The following GPATCH8 variants were observed in gnomAD, a reference collection of about 807,000 sequenced individuals.
The protein encoded by GPATCH8 is G patch domain-containing protein 8.
GPATCH8 carries 18 observed loss-of-function variants against 118.3 expected under a neutral mutation model. The observed-to-expected ratio is 0.15, with a 90% confidence interval of 0.11 to 0.23. The LOEUF is 0.23. Ranked by LOEUF, GPATCH8 falls within the 10% of genes least tolerant of loss-of-function variation. The probability of loss-of-function intolerance (pLI) is 1.00; values close to 1 mark genes in which losing one functional copy is unlikely to be tolerated. For synonymous variants in GPATCH8, 659 were observed against 684.7 expected (o/e 0.96, Z 0.59); for missense variants, 1,631 against 1,873.8 (o/e 0.87, Z 2.39).
At chr17:44,456,695 C>T (rs545819750) in intron 3 of GPATCH8, among the ~76,000 whole-genome samples, 2 of 152,192 alleles carry the variant, frequency 1.3e-5, no homozygotes, top group Non-Finnish European at 2.9e-5. Context: ...GTAATGCAGG[C>T]CTTACCCTAC....
intron 1 of GPATCH8, among the ~76,000 whole-genome samples, chr17:44,502,958 G>A (rs889004988): frequency 2.0e-5 from 3 of 152,204 alleles, no homozygotes; most frequent in African/African-American, 7.2e-5. Context: ...TCTCCCCCAA[G>A]CCCTCTCAGC....
chr17:44,487,776 T>G (rs983615843), intron 1 of GPATCH8, among the ~76,000 whole-genome samples: 17 of 152,354 alleles, frequency 1.1e-4, no homozygotes, highest in African/African-American at 4.1e-4. Flanking sequence ...GTGATGAGAC[T>G]ACATTTATGT....
chr17:44,399,450 G>A lies in GPATCH8; in HGVS notation c.2627C>T (p.Ala876Val). ...ACTATAGCAGCTCTGGTCTGAAGAGGCATCTGAGCTACTTGAGTAAGAACG... is the reference window on the plus strand; with the variant it reads ...ACTATAGCAGCTCTGGTCTGAAGAGACATCTGAGCTACTTGAGTAAGAACG... ...SRRSYSSSSDASSDQSCYSRQ... is the reference protein window; with the variant it reads ...SRRSYSSSSDVSSDQSCYSRQ... Residue 876 changes from alanine (A) to valine (V), a missense_variant, in exon 8 of 8, where the codon GCC becomes GTC. Physicochemically the swap from Ala to Val is moderately conservative, Grantham distance 64. This residue lies in a region of GPATCH8 where 922 missense variants were observed against 879.7 expected (regional missense o/e 1.05). Coordinates refer to ENST00000591680, the MANE Select transcript of GPATCH8 (RefSeq NM_001002909.4). 2 of 1,613,994 alleles carry A rather than the reference G, an allele frequency of 1.2e-6. No individual in the cohort carries two copies. The highest frequency in any genetic ancestry group is 1.7e-6 in the Non-Finnish European group (2 of 1,179,882).
At chr17:44,448,139 A>G (rs965597684) in intron 3 of GPATCH8, among the ~76,000 whole-genome samples, 4 of 152,200 alleles carry the variant, frequency 2.6e-5, no homozygotes, top group African/African-American at 9.6e-5. Context: ...GAAAGTAAAT[A>G]CCTTAAAATG....
Position 44,437,960 on chromosome 17 carries a change from CAAA to C in GPATCH8, c.194-1418_194-1416del, listed in dbSNP as rs1297887480. Among the ~76,000 whole-genome samples the C allele has an allele frequency of 2.8e-4, 14 of 49,620 alleles. No individual in the cohort carries two copies. The South Asian group carries it at 4.1e-3, about 15-fold the overall frequency. The allele number at this position is 49,620 out of a possible 152,430, so 32.6% of individuals were successfully genotyped here. On this transcript the variant is annotated intron_variant, in intron 3 of 7. Coordinates refer to ENST00000591680, the MANE Select transcript of GPATCH8 (RefSeq NM_001002909.4). ...TCTCATGTCAGAAAAAAAAAAAAAA[CAAA>C]ACAACAACTTCTAGAATACAGCCTT... is the stretch of plus-strand genomic sequence containing the variant.
At chr17:44,489,528 C>T (rs1371091218) in intron 1 of GPATCH8, among the ~76,000 whole-genome samples, 3 of 151,970 alleles carry the variant, frequency 2.0e-5, no homozygotes, top group African/African-American at 2.4e-5. Flanking sequence ...TTAGTAGAGA[C>T]GGGATTTCAC....
intron 3 of GPATCH8, chr17:44,445,865 C>T (rs1012748620): frequency 1.3e-5 from 2 of 152,086 alleles, no homozygotes; most frequent in Non-Finnish European, 2.9e-5. Flanking sequence ...TAAAGAGTGG[C>T]AACATGAAAC....
intron 3 of GPATCH8, among the ~76,000 whole-genome samples, chr17:44,452,229 C>T (rs2051138414): frequency 7.1e-6 from 1 of 140,392 alleles, no homozygotes; most frequent in African/African-American, 2.7e-5. Context: ...GCCGAGACTG[C>T]ACCACTGCAC....
intron 6 of GPATCH8, among the ~76,000 whole-genome samples, chr17:44,406,502 G>GGA (rs2049233168): frequency 8.2e-6 from 1 of 122,200 alleles, no homozygotes; most frequent in African/African-American, 3.1e-5. Context: ...TACATGGGGG[G>GGA]GGGGGGTTAT....
intron 3 of GPATCH8, among the ~76,000 whole-genome samples, chr17:44,462,660 T>A (rs982968023): frequency 6.6e-6 from 1 of 152,118 alleles, no homozygotes; most frequent in African/African-American, 2.4e-5. Flanking sequence ...TTTGTAGAAG[T>A]AGAATTTTAA....
chr17:44,421,289 C>T (rs1016664422), intron 6 of GPATCH8, among the ~76,000 whole-genome samples: 7 of 151,042 alleles, frequency 4.6e-5, no homozygotes, highest in Admixed American at 1.3e-4. Flanking sequence ...TGCAGTGAGC[C>T]GAGATCGCGC....
At chr17:44,485,378 T>C (rs1163736847) in intron 1 of GPATCH8, among the ~76,000 whole-genome samples, 3 of 152,178 alleles carry the variant, frequency 2.0e-5, no homozygotes, top group Admixed American at 2.0e-4. Flanking sequence ...CCTCCAAAAG[T>C]GCTAGGATTA....
At chr17:44,418,266 TTTGAATTTTAGGCCTC>T (rs2049761715) in intron 6 of GPATCH8, among the ~76,000 whole-genome samples, 1 of 152,064 alleles carries the variant, frequency 6.6e-6, no homozygotes, top group South Asian at 2.1e-4. Flanking sequence ...TTCTTTGGAG[TTTGAATTTTAGGCCTC>T]TTGAAATGCT....
At chr17:44,467,033 C>T (rs2051796449) in intron 2 of GPATCH8, 1 of 654,740 alleles carries the variant, frequency 1.5e-6, no homozygotes, top group Non-Finnish European at 2.4e-6. Context: ...AATAAACAGA[C>T]AGATGAAGCA....
In GPATCH8 at chr17:44,401,111, A is replaced by G; in HGVS notation, c.966T>C (p.His322=). The G allele has an allele frequency of 1.9e-6, 3 of 1,614,132 alleles. No individual in the cohort carries two copies. The highest frequency in any genetic ancestry group is 8.5e-7 in the Non-Finnish European group (1 of 1,179,990). The change falls in exon 8 of 8, where the codon CAT becomes CAC. Residue 322 remains histidine, a synonymous_variant. Transcript: ENST00000591680. ...LESIASVFKD[H]AEEGTSEDGT... is the part of the protein sequence containing the mutation. The stretch of plus-strand genomic sequence containing the variant: ...CATCTTCAGAGGTCCCTTCCTCCGC[A>G]TGGTCCTTGAAAACTGATGCTATTG...
intron 6 of GPATCH8, among the ~76,000 whole-genome samples, chr17:44,415,380 A>C (rs1257258863): frequency 6.6e-6 from 1 of 152,206 alleles, no homozygotes; most frequent in Non-Finnish European, 1.5e-5. Context: ...ACATTTTAGA[A>C]TATTTGCATT....
At chr17:44,465,699 T>A (rs924970242) in intron 2 of GPATCH8, 4 of 152,130 alleles carry the variant, frequency 2.6e-5, no homozygotes, top group African/African-American at 9.7e-5. Flanking sequence ...CAAAGGTAAA[T>A]CATTTGAAAA....
intron 3 of GPATCH8, among the ~76,000 whole-genome samples, chr17:44,460,831 G>A (rs2051516328): frequency 6.6e-6 from 1 of 152,146 alleles, no homozygotes; most frequent in South Asian, 2.1e-4. Context: ...TATGGTCAAA[G>A]AAATCTGTCA....
Position 44,397,536 on chromosome 17 carries a change from C to CT in GPATCH8, c.*31_*32insA. 6.8e-7 allele frequency: 1 copy of CT among 1,475,036 alleles called. No individual in the cohort carries two copies. The highest frequency in any genetic ancestry group is 1.1e-5 in the South Asian group (1 of 88,250). The allele number at this position is 1,475,036 out of a possible 1,614,324, so 91.4% of individuals were successfully genotyped here. A position where few individuals can be genotyped will look rare whatever the true frequency, so the allele number is the denominator to read the frequency against. ...CAAGGGAACATTTATGGGTCTCCTCCCCTGGCCCTACCTAGGATCCCATCC... is the reference window on the plus strand; with the variant it reads ...CAAGGGAACATTTATGGGTCTCCTCCTCCTGGCCCTACCTAGGATCCCATCC... On this transcript the variant is annotated 3_prime_UTR_variant, in exon 8 of 8. Transcript: ENST00000591680.
Sources: allele counts gnomAD v4.1 joint callset (sites outside exome capture counted in the v4.1 genomes callset), GRCh38; gene constraint gnomAD v4.1.1; regional missense constraint gnomAD v4.1.1; transcripts MANE v1.5; gene names NCBI Gene and HGNC (gene_info 2026-07-23, HGNC 2026-07-21).